BMP6: variants seen among roughly 807,000 people sequenced by gnomAD.
BMP6 encodes bone morphogenetic protein 6.
Under a neutral mutation model 54.1 loss-of-function variants are expected in BMP6, and 17 were observed. That is an observed-to-expected ratio of 0.31 (90% confidence interval 0.22 to 0.47). The LOEUF is 0.47. Ranked by LOEUF, BMP6 falls within the 20% of genes least tolerant of loss-of-function variation. The pLI, the probability that BMP6 is intolerant of heterozygous loss-of-function variation, is 1.00. For missense variants in BMP6, 720 were observed against 690.4 expected, an observed-to-expected ratio of 1.04 and a Z score of -0.48; for synonymous variants, 328 against 291.2, an observed-to-expected ratio of 1.13 and a Z score of -1.28.
chr6:7,835,641 C>T (rs1024733564), intron 1 of BMP6, among the ~76,000 whole-genome samples: 21 of 152,082 alleles, frequency 1.4e-4, no homozygotes, highest in Non-Finnish European at 5.9e-5. Flanking sequence ...TAAGGCAGCC[C>T]TTGTAAGGGG....
intron 2 of BMP6, among the ~76,000 whole-genome samples, chr6:7,856,645 G>A (rs1759242329): frequency 8.3e-6 from 1 of 121,044 alleles, no homozygotes; most frequent in South Asian, 2.6e-4. Context: ...CGCCCAGGCT[G>A]GAGTGCAGTG....
intron 2 of BMP6, among the ~76,000 whole-genome samples, chr6:7,854,445 G>A (rs1332971601): frequency 1.3e-5 from 2 of 152,176 alleles, no homozygotes; most frequent in Non-Finnish European, 2.9e-5. Context: ...CGGGAATGTG[G>A]AAATGTAGGG....
In BMP6 at chr6:7,727,606, C is replaced by T; in HGVS notation, c.651C>T (p.Ser217=). Residue 217 remains serine (S), a synonymous_variant, in exon 1 of 7, where the codon AGC becomes AGT. Coordinates refer to ENST00000283147, the MANE Select transcript of BMP6 (RefSeq NM_001718.6). Reference sequence around the variant, plus strand: ...TCAACGACGCGGACATGGTCATGAGCTTTGTGAACCTGGGTAAGGATTTGG... The same window carrying T: ...TCAACGACGCGGACATGGTCATGAGTTTTGTGAACCTGGGTAAGGATTTGG... ...AFLNDADMVM[S]FVNLVEYDKE... is the part of the protein sequence containing the mutation. 7.7e-6 allele frequency: 12 copies of T among 1,557,688 alleles called. No homozygotes were observed. Among genetic ancestry groups the T allele is most frequent in the African/African-American group, 1.4e-5 (1 of 72,700 alleles).
At chr6:7,792,779 T>A (rs923283307) in intron 1 of BMP6, among the ~76,000 whole-genome samples, 13 of 152,094 alleles carry the variant, frequency 8.5e-5, no homozygotes, top group African/African-American at 3.1e-4. Flanking sequence ...AACCAACATG[T>A]GGAAGTTTAC....
intron 1 of BMP6, among the ~76,000 whole-genome samples, chr6:7,766,196 T>C (rs1757685489): frequency 6.6e-6 from 1 of 152,194 alleles, no homozygotes; most frequent in Non-Finnish European, 1.5e-5. Context: ...TTTTTTTTTG[T>C]TTGTTTTTTA....
intron 1 of BMP6, among the ~76,000 whole-genome samples, chr6:7,733,686 GTTAAC>G (rs1761910224): frequency 6.6e-6 from 1 of 152,218 alleles, no homozygotes; most frequent in South Asian, 2.1e-4. Flanking sequence ...CGACAGCGGA[GTTAAC>G]TTTATTCAAA....
chr6:7,795,826 G>T (rs1758182904), intron 1 of BMP6, among the ~76,000 whole-genome samples: 1 of 152,090 alleles, frequency 6.6e-6, no homozygotes, highest in Non-Finnish European at 1.5e-5. Flanking sequence ...GGAATGAGGT[G>T]TTGAAGGTGA....
chr6:7,774,841 A>T (rs1757840885), intron 1 of BMP6, among the ~76,000 whole-genome samples: 1 of 152,248 alleles, frequency 6.6e-6, no homozygotes, highest in Non-Finnish European at 1.5e-5. Context: ...AAAGAAAAGA[A>T]AATTGTTTGA....
intron 1 of BMP6, among the ~76,000 whole-genome samples, chr6:7,782,234 A>G (rs953007330): frequency 1.3e-5 from 2 of 151,806 alleles, no homozygotes; most frequent in Admixed American, 1.3e-4. Flanking sequence ...GAGATAGGGA[A>G]CTCTAGGAAG....
intron 2 of BMP6, among the ~76,000 whole-genome samples, chr6:7,856,647 A>G (rs1278917052): frequency 1.7e-5 from 2 of 114,882 alleles, no homozygotes; most frequent in African/African-American, 7.3e-5. Context: ...CCCAGGCTGG[A>G]GTGCAGTGGC....
intron 1 of BMP6, among the ~76,000 whole-genome samples, chr6:7,836,170 A>G (rs991751354): frequency 6.6e-6 from 1 of 151,770 alleles, no homozygotes; most frequent in Non-Finnish European, 1.5e-5. Flanking sequence ...ATTAATACCT[A>G]TATTTGGGTA....
chr6:7,876,809 G>GT (rs996016062), intron 4 of BMP6, among the ~76,000 whole-genome samples: 3 of 151,698 alleles, frequency 2.0e-5, no homozygotes, highest in Non-Finnish European at 4.4e-5. Context: ...CTTTTTTCAT[G>GT]TTTTTTCCCC....
At chr6:7,735,850 T>C (rs1194631011) in intron 1 of BMP6, among the ~76,000 whole-genome samples, 1 of 152,188 alleles carries the variant, frequency 6.6e-6, no homozygotes, top group Non-Finnish European at 1.5e-5. Flanking sequence ...CGCTATAGTA[T>C]CATGCCGAGG....
chr6:7,741,381 G>A (rs188201992), intron 1 of BMP6, among the ~76,000 whole-genome samples: 23 of 152,252 alleles, frequency 1.5e-4, no homozygotes, highest in Non-Finnish European at 2.4e-4. Flanking sequence ...CTGCAACCTT[G>A]AACTCCTGGG....
chr6:7,858,217 G>C (rs1218500143), intron 2 of BMP6, among the ~76,000 whole-genome samples: 2 of 152,122 alleles, frequency 1.3e-5, no homozygotes, highest in African/African-American at 2.4e-5. Context: ...CCGAGTAGTT[G>C]GGACTACAGG....
chr6:7,820,258 T>C (rs1229973705), intron 1 of BMP6, among the ~76,000 whole-genome samples: 1 of 152,220 alleles, frequency 6.6e-6, no homozygotes, highest in African/African-American at 2.4e-5. Context: ...AAAGGTTTGC[T>C]CTCTTTTGTT....
chr6:7,808,294 G>A (rs1305625730), intron 1 of BMP6, among the ~76,000 whole-genome samples: 2 of 152,178 alleles, frequency 1.3e-5, no homozygotes, highest in Admixed American at 6.6e-5. Context: ...ACTTTGGTTG[G>A]TAGAAAACAA....
intron 1 of BMP6, among the ~76,000 whole-genome samples, chr6:7,809,109 C>CA (rs1491403789): frequency 2.7e-5 from 1 of 37,118 alleles, no homozygotes; most frequent in Non-Finnish European, 4.1e-5. Context: ...GTACCCCCCA[C>CA]CCCCCCCCAA....
chr6:7,740,256 G>T (rs1047374052), intron 1 of BMP6, among the ~76,000 whole-genome samples: 3 of 152,162 alleles, frequency 2.0e-5, no homozygotes, highest in Admixed American at 6.5e-5. Context: ...GCCTCCTCAC[G>T]TGTTTGCCTT....
Sources: allele counts gnomAD v4.1 joint callset (sites outside exome capture counted in the v4.1 genomes callset), GRCh38; gene constraint gnomAD v4.1.1; transcripts MANE v1.5; gene names NCBI Gene and HGNC (gene_info 2026-07-23, HGNC 2026-07-21).